The following NTHL1 variants were observed in gnomAD, a reference collection of about 807,000 sequenced individuals.
The protein encoded by NTHL1 is nth like DNA glycosylase 1, also known as endonuclease III-like protein 1.
NTHL1 carries 32 observed loss-of-function variants against 32.3 expected under a neutral mutation model. The ratio of observed to expected loss-of-function variants is 0.99; its 90% CI spans 0.75 to 1.33. The LOEUF (loss-of-function observed/expected upper bound fraction) is 1.33. NTHL1 is among the 40% of genes most tolerant of loss of function. NTHL1 has a pLI of 0.00. For missense variants in NTHL1, 501 were observed against 414.1 expected (o/e 1.21, Z -1.82); for synonymous variants, 188 against 176.9 (o/e 1.06, Z -0.50).
At chr16:2,040,591 T>C in intron 4 of NTHL1, 1 of 417,824 alleles carries the variant, frequency 2.4e-6, no homozygotes, top group South Asian at 2.2e-5. Context: ...CTTGGAGCTC[T>C]ATTCCCCACA....
At chr16:2,045,227 C>T (rs1200310192) in intron 2 of NTHL1, among the ~76,000 whole-genome samples, 3 of 151,896 alleles carry the variant, frequency 2.0e-5, no homozygotes, top group East Asian at 2.0e-4. Flanking sequence ...ATCCCAGCTA[C>T]TCGGGAGGCC....
chr16:2,047,529 C>G (rs745318846), intron 1 of NTHL1, 180 bp downstream of exon 1: 121 of 1,085,808 alleles, frequency 1.1e-4, no homozygotes, highest in Non-Finnish European at 1.5e-4. Context: ...CCCCTGCGGA[C>G]CGCAATCTTT....
chr16:2,041,900 G>A (rs746414170), intron 4 of NTHL1: 9 of 384,192 alleles, frequency 2.3e-5, no homozygotes, highest in East Asian at 7.5e-5. Context: ...GAGCCACCAC[G>A]CCTGGCCACA....
At position 2,044,687 on chromosome 16, in the gene NTHL1, G is replaced by A. The variant is rs752220394; in HGVS notation, c.468C>T (p.Ile156=). 2 of 1,611,952 alleles carry A rather than the reference G, an allele frequency of 1.2e-6. No homozygotes were observed. Among genetic ancestry groups the A allele is most frequent in the African/African-American group, 1.3e-5 (1 of 75,076 alleles). Residue 156 remains isoleucine (I), a synonymous_variant, in exon 3 of 6, where the codon ATC becomes ATT. Transcript: ENST00000651570. The surrounding 1 kb of genome is among the most constrained non-coding windows in gnomAD (Gnocchi z 5.0). The stretch of plus-strand genomic sequence containing the variant: ...CCAGCGTGGCATCATCTGTCTGCAG[G>A]ATGCTGTCCACCGTCAGGCCCCGCG... ...LRARGLTVDS[I]LQTDDATLGK...
At position 2,044,433 on chromosome 16, in the gene NTHL1, C is replaced by T. The variant is rs775498377; in HGVS notation, c.525+197G>A. 3.3e-5 allele frequency among the ~76,000 whole-genome samples: 5 copies of T among 152,104 alleles called. No individual in the cohort carries two copies. Among genetic ancestry groups the T allele is most frequent in the Non-Finnish European group, 7.4e-5 (5 of 68,004 alleles). ...GAAGCAGAGGAAGGAAGGGAGGATG[C>T]GAACAGGAAGGCCAAGGAGCTGCTG... On this transcript the variant is annotated intron_variant, in intron 3 of 5. Coordinates refer to ENST00000651570, the MANE Select transcript of NTHL1 (RefSeq NM_002528.7). The surrounding 1 kb of genome is among the most constrained non-coding windows in gnomAD (Gnocchi z 5.0).
In NTHL1 at chr16:2,039,919, G is replaced by A. The variant is rs768895377; in HGVS notation, c.*5C>T. ...AGCGGCACCTCGGCCAGAGCCATGC[G>A]GCCATCAGAGACCCTGGGCGGCCGG... On this transcript the variant is annotated 3_prime_UTR_variant, in exon 6 of 6. Coordinates refer to ENST00000651570, the MANE Select transcript of NTHL1 (RefSeq NM_002528.7). 2.7e-5 allele frequency: 44 copies of A among 1,600,838 alleles called. No homozygotes were observed. The highest frequency in any genetic ancestry group is 1.5e-4 in the South Asian group (14 of 91,060).
Position 2,044,928 on chromosome 16 carries a change from CCT to C in NTHL1, c.355-130_355-129del. Reference sequence around the variant, plus strand: ...GCCACACTTGAGGCATCAGCCTCCCCCTGTGGGGTGGGGAGGTCTGGTTTGGG... The same window carrying C: ...GCCACACTTGAGGCATCAGCCTCCCCGTGGGGTGGGGAGGTCTGGTTTGGG... On this transcript the variant is annotated intron_variant, in intron 2 of 5. Coordinates refer to ENST00000651570, the MANE Select transcript of NTHL1 (RefSeq NM_002528.7). This position sits in a 1 kb window ranked among gnomAD's most constrained non-coding sequence, Gnocchi z 5.0. 9.2e-7 allele frequency: 1 copy of C among 1,092,456 alleles called. No individual in the cohort carries two copies. Among genetic ancestry groups the C allele is most frequent in the African/African-American group, 1.6e-5 (1 of 63,500 alleles). The allele number at this position is 1,092,456 out of a possible 1,614,324, so 67.7% of individuals were successfully genotyped here. A position where few individuals can be genotyped will look rare whatever the true frequency, so the allele number is the denominator to read the frequency against.
rs367765503 is a variant in NTHL1, at chr16:2,040,173, G to C, written c.751C>G (p.Pro251Ala). The C allele has an allele frequency of 6.2e-7, 1 of 1,613,974 alleles. No homozygotes were observed. The highest frequency in any genetic ancestry group is 8.5e-7 in the Non-Finnish European group (1 of 1,180,030). The change falls in exon 5 of 6, where the codon CCA becomes GCA. Residue 251 changes from proline (P) to alanine (A), a missense_variant. Transcript: ENST00000651570. ...TCCAGGGCGGCGCGGGTCTCCTCTGGGGACTTGGTTGCCTTCTTGGTCCAC... is the reference window on the plus strand; with the variant it reads ...TCCAGGGCGGCGCGGGTCTCCTCTGCGGACTTGGTTGCCTTCTTGGTCCAC... Reference protein sequence around the residue: ...LRWTKKATKSPEETRAALEEW... With the variant: ...LRWTKKATKSAEETRAALEEW...
At chr16:2,046,780 T>C (rs2150950538) in intron 1 of NTHL1, among the ~76,000 whole-genome samples, 1 of 152,298 alleles carries the variant, frequency 6.6e-6, no homozygotes, top group South Asian at 2.1e-4. Flanking sequence ...AAGACCAGCC[T>C]GGCCAATATG....
chr16:2,041,144 C>T (rs915817346), intron 4 of NTHL1, among the ~76,000 whole-genome samples: 1 of 152,258 alleles, frequency 6.6e-6, no homozygotes, highest in Admixed American at 6.5e-5. Context: ...GCACCAGCTC[C>T]TTCGCTGCTG....
chr16:2,040,302 C>T (rs1008512351), intron 4 of NTHL1, 64 bp from the exon 5 acceptor site: 25 of 1,459,394 alleles, frequency 1.7e-5, no homozygotes, highest in African/African-American at 1.5e-4. Context: ...TGCCCCTCCC[C>T]GCCCAGAGGC....
At position 2,044,563 on chromosome 16, in the gene NTHL1, C is replaced by T; in HGVS notation, c.525+67G>A. On this transcript the variant is annotated intron_variant, in intron 3 of 5. Transcript: ENST00000651570. The surrounding 1 kb of genome is among the most constrained non-coding windows in gnomAD (Gnocchi z 5.0). ...TCACTTCCTGCACCGTCGCCACCCC[C>T]CTCAGCCTTCTGAGGTCTCTCTCAG... The T allele has an allele frequency of 6.3e-7, 1 of 1,588,682 alleles. No individual in the cohort carries two copies.
At chr16:2,042,138 C>T in intron 4 of NTHL1, 1 of 455,190 alleles carries the variant, frequency 2.2e-6, no homozygotes, top group Non-Finnish European at 4.4e-6. Flanking sequence ...TGGTCAGGCC[C>T]ACAGACACCT....
rs558063766 is a variant in NTHL1 at position 2,040,461 on chromosome 16, C to T, written c.686-223G>A. 2.7e-4 allele frequency: 164 copies of T among 610,106 alleles called. 2 individuals carry two copies. In the South Asian group the frequency reaches 2.9e-3, roughly 11 times the overall value. 37.8% of individuals were successfully genotyped at this position (610,106 alleles called of 1,614,324 possible). A position where few individuals can be genotyped will look rare whatever the true frequency, so the allele number is the denominator to read the frequency against. ...TGGGGTGCAGGCCTCTCTCCCATCACCTGAGCCAGCCTGGGGGGCTCTGTT... is the reference window on the plus strand; with the variant it reads ...TGGGGTGCAGGCCTCTCTCCCATCATCTGAGCCAGCCTGGGGGGCTCTGTT... On this transcript the variant is annotated intron_variant, in intron 4 of 5. Transcript: ENST00000651570.
At position 2,044,797 on chromosome 16, in the gene NTHL1, G is replaced by T. The variant is rs370228590; in HGVS notation, c.358C>A (p.Arg120Ser). 2 of 1,602,562 alleles carry T rather than the reference G, an allele frequency of 1.2e-6. No homozygotes were observed. The highest frequency in any genetic ancestry group is 1.7e-6 in the Non-Finnish European group (2 of 1,174,290). ...AGTGACAGCAGCACCTGGTACCTGC[G>T]TACCTGCTTGTGCAGTGACAGGGAC... Reference protein sequence around the residue: ...CYDSSAPPKVRRYQVLLSLML... With the variant: ...CYDSSAPPKVSRYQVLLSLML... Residue 120 changes from arginine (R) to serine (S), a missense_variant, in exon 3 of 6, where the codon CGC becomes AGC. Transcript: ENST00000651570. The surrounding 1 kb of genome is among the most constrained non-coding windows in gnomAD (Gnocchi z 5.0).
chr16:2,042,061 C>G (rs532471948), intron 4 of NTHL1: 2 of 456,066 alleles, frequency 4.4e-6, no homozygotes, highest in Non-Finnish European at 8.8e-6. Context: ...CCAGCTCTGA[C>G]ATTTTAACTG....
Position 2,044,753 on chromosome 16 carries a change from G to A in NTHL1, c.402C>T (p.Thr134=), listed in dbSNP as rs1169048585. The A allele has an allele frequency of 6.2e-7, 1 of 1,612,166 alleles. No homozygotes were observed. Among genetic ancestry groups the A allele is most frequent in the Admixed American group, 1.7e-5 (1 of 59,944 alleles). ...TGGCGCCCGCCGTCACCTGGTCTTT[G>A]GTTTGGCTGGAGAGCATCAGTGACA... ...VLLSLMLSSQ[T]KDQVTAGAMQ... The change falls in exon 3 of 6, where the codon ACC becomes ACT. Residue 134 remains threonine, a synonymous_variant. Coordinates refer to ENST00000651570, the MANE Select transcript of NTHL1 (RefSeq NM_002528.7). This position sits in a 1 kb window ranked among gnomAD's most constrained non-coding sequence, Gnocchi z 5.0.
At position 2,044,077 on chromosome 16, in the gene NTHL1, C is replaced by A; in HGVS notation, c.526-351G>T. ...GCGCCTTCAGGAAGGAGGGCTGGAG[C>A]TGGGGCTTCCCCACCAGCTGCCAGG... On this transcript the variant is annotated intron_variant, in intron 3 of 5. Transcript: ENST00000651570. This position sits in a 1 kb window ranked among gnomAD's most constrained non-coding sequence, Gnocchi z 5.0. 2.6e-6 allele frequency: 1 copy of A among 391,250 alleles called. No homozygotes were observed. The highest frequency in any genetic ancestry group is 3.9e-5 in the Admixed American group (1 of 25,730). 24.2% of individuals were successfully genotyped at this position (391,250 alleles called of 1,614,324 possible).
In NTHL1 at chr16:2,044,195, C is replaced by T. The variant is rs1424887815; in HGVS notation, c.525+435G>A. On this transcript the variant is annotated intron_variant, in intron 3 of 5. Transcript: ENST00000651570. The surrounding 1 kb of genome is among the most constrained non-coding windows in gnomAD (Gnocchi z 5.0). ...GGCCCACGCGGGTGCCAAGGGGAAG[C>T]GGCCCCACCCACCAAGCTGCTTTCA... The T allele has an allele frequency of 6.2e-6, 2 of 324,236 alleles. No individual in the cohort carries two copies. The highest frequency in any genetic ancestry group is 2.1e-5 in the African/African-American group (1 of 47,068). The allele number at this position is 324,236 out of a possible 1,614,324, so 20.1% of individuals were successfully genotyped here. A position where few individuals can be genotyped will look rare whatever the true frequency, so the allele number is the denominator to read the frequency against.
Sources: allele counts gnomAD v4.1 joint callset (sites outside exome capture counted in the v4.1 genomes callset), GRCh38; gene constraint gnomAD v4.1.1; non-coding constraint Gnocchi (gnomAD v3.1); transcripts MANE v1.5; gene names NCBI Gene and HGNC (gene_info 2026-07-23, HGNC 2026-07-21).